The following IL13RA1 variants were observed in gnomAD, a reference collection of about 807,000 sequenced individuals.
IL13RA1 encodes the protein interleukin 13 receptor subunit alpha 1, also known as interleukin-13 receptor subunit alpha-1.
In IL13RA1, 14 loss-of-function variants were observed where a neutral mutation model predicts 33.8. The ratio of observed to expected loss-of-function variants is 0.41; its 90% confidence interval spans 0.27 to 0.65. IL13RA1 has a LOEUF of 0.65. IL13RA1 is among the 30% of genes least tolerant of loss of function. The pLI is 0.28. For synonymous variants in IL13RA1, 116 were observed against 115.7 expected, an observed-to-expected ratio of 1.00 and a Z score of -0.02; for missense variants, 313 against 327.0, an observed-to-expected ratio of 0.96 and a Z score of 0.33.
At chrX:118,745,158 G>C (rs767192931) in intron 2 of IL13RA1, among the ~76,000 whole-genome samples, 9 of 111,986 alleles carry the variant, frequency 8.0e-5, no homozygotes, top group Non-Finnish European at 1.5e-4. Context: ...GAATGGTAAT[G>C]GTGAAGCATT....
At chrX:118,740,447 A>G (rs1266338421) in intron 1 of IL13RA1, among the ~76,000 whole-genome samples, 2 of 112,487 alleles carry the variant, frequency 1.8e-5, no homozygotes, top group Non-Finnish European at 3.8e-5. Context: ...GCCATGGGAT[A>G]TGGAACAAAT....
At chrX:118,758,870 A>G (rs1272506059) in intron 5 of IL13RA1, 3 of 111,410 alleles carry the variant, frequency 2.7e-5, no homozygotes, top group Non-Finnish European at 5.7e-5. Context: ...TAAAGGTCCA[A>G]CCTCTCCATA....
intron 10 of IL13RA1, among the ~76,000 whole-genome samples, chrX:118,784,288 G>A (rs949424317): frequency 3.8e-5 from 4 of 105,396 alleles, no homozygotes; most frequent in Middle Eastern, 4.5e-3. Flanking sequence ...ATCTTTAATG[G>A]TATGTGAACA....
chrX:118,770,328 C>G, intron 8 of IL13RA1: 1 of 355,716 alleles, frequency 2.8e-6, no homozygotes, highest in Non-Finnish European at 5.4e-6. Context: ...CCCGGCGAGC[C>G]CTACGTGGAG....
chrX:118,798,277 C>A (rs2018042609), downstream of IL13RA1, among the ~76,000 whole-genome samples: 2 of 107,904 alleles, frequency 1.9e-5, no homozygotes, highest in African/African-American at 6.9e-5. Flanking sequence ...ATGCACTGTA[C>A]CATTAATTAT....
At chrX:118,800,969 T>C in the IL13RA1 span, among the ~76,000 whole-genome samples, 1 of 111,148 alleles carries the variant, frequency 9.0e-6, no homozygotes, top group Non-Finnish European at 1.9e-5. Context: ...TTTATTTTTT[T>C]GTAGAGATGG....
the IL13RA1 span, among the ~76,000 whole-genome samples, chrX:118,802,171 C>G: frequency 3.6e-5 from 4 of 111,584 alleles, no homozygotes; most frequent in South Asian, 1.5e-3. Flanking sequence ...TGGCCAGTAC[C>G]TAGGAGCACT....
At chrX:118,753,531 C>A (rs1167619411) in intron 4 of IL13RA1, among the ~76,000 whole-genome samples, 1 of 112,190 alleles carries the variant, frequency 8.9e-6, no homozygotes, top group African/African-American at 3.2e-5. Flanking sequence ...TATCAAGGAT[C>A]CTACTTTTTT....
At chrX:118,748,866 A>AGAGTTAAAT (rs2017439898) in intron 3 of IL13RA1, among the ~76,000 whole-genome samples, 1 of 111,450 alleles carries the variant, frequency 9.0e-6, no homozygotes, top group African/African-American at 3.3e-5. Flanking sequence ...GCAACTACTA[A>AGAGTTAAAT]GAGTTAAATT....
At chrX:118,746,446 A>G (rs2017405499) in intron 2 of IL13RA1, among the ~76,000 whole-genome samples, 2 of 112,160 alleles carry the variant, frequency 1.8e-5, no homozygotes, top group South Asian at 7.3e-4. Flanking sequence ...ATCCCTTTTT[A>G]ACCTTAATTT....
At chrX:118,781,383 C>T (rs1394475740) in intron 10 of IL13RA1, among the ~76,000 whole-genome samples, 1 of 110,468 alleles carries the variant, frequency 9.1e-6, no homozygotes, top group Non-Finnish European at 1.9e-5. Flanking sequence ...GATGGAGTCT[C>T]ATTCTATCAC....
rs1417409386 is a variant in IL13RA1, at chrX:118,748,019, G to GTGTGTA, written c.367+932_367+933insATGTGT. Among the ~76,000 whole-genome samples, 4 of 102,877 alleles carry GTGTGTA rather than the reference G, an allele frequency of 3.9e-5. No individual in the cohort carries two copies. The East Asian group carries it at 1.2e-3, about 30-fold the overall frequency. 89.3% of individuals were successfully genotyped at this position (102,877 alleles called of 115,157 possible). A position where few individuals can be genotyped will look rare whatever the true frequency, so the allele number is the denominator to read the frequency against. On this transcript the variant is annotated intron_variant, in intron 3 of 10. Transcript: ENST00000371666. ...AAGAGTGAATGTTGTGTGTGTGTGT[G>GTGTGTA]TGTGTGTGTGTGTGTGTGTACACAC...
In IL13RA1 at chrX:118,754,805, A is replaced by G. The variant is rs746081371; in HGVS notation, c.489-3250A>G. 1.0e-4 allele frequency among the ~76,000 whole-genome samples: 11 copies of G among 110,369 alleles called. No individual in the cohort carries two copies. The South Asian group carries it at 4.3e-3, about 43-fold the overall frequency. On this transcript the variant is annotated intron_variant, in intron 4 of 10. Coordinates refer to ENST00000371666, the MANE Select transcript of IL13RA1 (RefSeq NM_001560.3). Reference sequence around the variant, plus strand: ...ATAGATCCTTTCTAATCAAAACCACAAAAGAAAGGGAGTCAAGACACAGTG... The same window carrying G: ...ATAGATCCTTTCTAATCAAAACCACGAAAGAAAGGGAGTCAAGACACAGTG...
chrX:118,734,372 G>A (rs1469410754), intron 1 of IL13RA1, among the ~76,000 whole-genome samples: 2 of 111,743 alleles, frequency 1.8e-5, no homozygotes, highest in Non-Finnish European at 3.8e-5. Context: ...TGTTGAATAG[G>A]AGTGGTGAAA....
intron 2 of IL13RA1, among the ~76,000 whole-genome samples, chrX:118,743,229 G>A (rs1023812343): frequency 6.2e-5 from 7 of 112,054 alleles, no homozygotes; most frequent in African/African-American, 2.3e-4. Flanking sequence ...TTTGGGTACA[G>A]CATTAGCATC....
chrX:118,741,915 G>C (rs1256546359), intron 2 of IL13RA1, among the ~76,000 whole-genome samples: 1 of 111,071 alleles, frequency 9.0e-6, no homozygotes, highest in East Asian at 2.8e-4. Flanking sequence ...GTGAATTGTA[G>C]AAGCACCAAG....
chrX:118,776,927 G>A (rs894670336), intron 10 of IL13RA1, among the ~76,000 whole-genome samples: 1 of 108,143 alleles, frequency 9.2e-6, no homozygotes. Flanking sequence ...TCATGCCACT[G>A]CATTCCAGCC....
chrX:118,794,776 T>G (rs770412657), downstream of IL13RA1, among the ~76,000 whole-genome samples: 1 of 111,991 alleles, frequency 8.9e-6, no homozygotes, highest in African/African-American at 3.2e-5. Flanking sequence ...ACTTAAGTAT[T>G]CAATAAATTG....
At chrX:118,781,389 A>G (rs1223349132) in intron 10 of IL13RA1, among the ~76,000 whole-genome samples, 2 of 110,150 alleles carry the variant, frequency 1.8e-5, no homozygotes, top group African/African-American at 6.6e-5. Flanking sequence ...GTCTCATTCT[A>G]TCACTCAGGC....
Sources: gnomAD v4.1 joint callset for allele counts (sites outside exome capture counted in the v4.1 genomes callset) on GRCh38, gnomAD v4.1.1 for gene constraint, MANE v1.5 for transcripts, NCBI Gene and HGNC (gene_info 2026-07-23, HGNC 2026-07-21) for gene names.